NRG1: variants seen among roughly 807,000 people sequenced by gnomAD.
NRG1 encodes pro-neuregulin-1, membrane-bound isoform.
Under a neutral mutation model 63.8 loss-of-function variants are expected in NRG1, and 18 were observed. That is an observed-to-expected ratio of 0.28 (90% CI 0.19 to 0.42). The LOEUF (loss-of-function observed/expected upper bound fraction) is 0.42, where lower values mean the gene tolerates loss of function less well. Among genes scored for constraint, NRG1 ranks in the 10% least tolerant of loss-of-function variants. The probability of loss-of-function intolerance (pLI) is 1.00; values close to 1 mark genes in which losing one functional copy is unlikely to be tolerated. For missense variants in NRG1, 762 were observed against 814.7 expected, an observed-to-expected ratio of 0.94 and a Z score of 0.79; for synonymous variants, 302 against 301.3, an observed-to-expected ratio of 1.00 and a Z score of -0.02.
chr8:32,609,491 A>G (rs983373797), intron 3 of NRG1, among the ~76,000 whole-genome samples: 8 of 151,724 alleles, frequency 5.3e-5, no homozygotes, highest in Admixed American at 5.3e-4. Flanking sequence ...CTTCCTAAAT[A>G]GATATTTACC....
intron 1 of NRG1, among the ~76,000 whole-genome samples, chr8:31,964,094 C>A (rs922011227): frequency 2.6e-5 from 4 of 152,132 alleles, no homozygotes; most frequent in Admixed American, 6.5e-5. Context: ...TCATGGATAG[C>A]AGGATAACTT....
chr8:32,149,809 A>T (rs1230860413), intron 1 of NRG1, among the ~76,000 whole-genome samples: 2 of 152,300 alleles, frequency 1.3e-5, no homozygotes, highest in Middle Eastern at 3.4e-3. Context: ...CCTTCCCTAG[A>T]TGTCAGTGTC....
intron 1 of NRG1, chr8:32,256,401 G>C (rs1563238873): frequency 6.6e-6 from 1 of 152,180 alleles, no homozygotes; most frequent in Non-Finnish European, 1.5e-5. Context: ...TGATATTGAT[G>C]CTATTCCTTT....
chr8:31,887,465 G>C (rs1489475117), intron 1 of NRG1, among the ~76,000 whole-genome samples: 3 of 151,980 alleles, frequency 2.0e-5, no homozygotes, highest in East Asian at 3.9e-4. Flanking sequence ...TCTTAGAGTG[G>C]AAATTATTGA....
intron 1 of NRG1, among the ~76,000 whole-genome samples, chr8:32,269,362 A>G (rs2129472280): frequency 6.6e-6 from 1 of 152,334 alleles, no homozygotes; most frequent in East Asian, 1.9e-4. Context: ...TCAAGGCTCC[A>G]TATACTATTT....
intron 1 of NRG1, among the ~76,000 whole-genome samples, chr8:32,594,486 A>G (rs1030003733): frequency 4.6e-5 from 7 of 152,216 alleles, no homozygotes; most frequent in Non-Finnish European, 7.3e-5. Context: ...TATGATAAAC[A>G]GAATTAGACA....
At chr8:32,750,355 G>A (rs1231409972) in intron 7 of NRG1, among the ~76,000 whole-genome samples, 2 of 152,092 alleles carry the variant, frequency 1.3e-5, no homozygotes, top group African/African-American at 2.4e-5. Context: ...ACACTTTTTT[G>A]TAAGGCCTTC....
intron 1 of NRG1, among the ~76,000 whole-genome samples, chr8:31,700,788 G>A (rs1161234046): frequency 1.6e-4 from 25 of 152,114 alleles, no homozygotes. Context: ...TCTACTCATG[G>A]ATCTGTCAGG....
intron 5 of NRG1, among the ~76,000 whole-genome samples, chr8:32,677,177 G>A (rs1206805111): frequency 6.6e-6 from 1 of 151,854 alleles, no homozygotes; most frequent in Non-Finnish European, 1.5e-5. Context: ...TCTTCAAACA[G>A]GTGAATAATT....
At chr8:31,836,881 C>A (rs1825735551) in intron 1 of NRG1, among the ~76,000 whole-genome samples, 1 of 152,036 alleles carries the variant, frequency 6.6e-6, no homozygotes, top group Admixed American at 6.6e-5. Context: ...AGAGTCACAG[C>A]ATTTTATATT....
chr8:31,999,993 A>T (rs1812660661), intron 1 of NRG1, among the ~76,000 whole-genome samples: 1 of 152,056 alleles, frequency 6.6e-6, no homozygotes, highest in Admixed American at 6.6e-5. Context: ...GGTGGCAAAT[A>T]GAATTGTATG....
chr8:31,740,458 A>T (rs1020181099), intron 1 of NRG1, among the ~76,000 whole-genome samples: 6 of 152,068 alleles, frequency 3.9e-5, no homozygotes, highest in Admixed American at 3.9e-4. Context: ...CAGAGCTAAA[A>T]ATAGAGTTCA....
intron 1 of NRG1, among the ~76,000 whole-genome samples, chr8:31,919,491 T>G (rs777421491): frequency 9.9e-5 from 15 of 151,984 alleles, no homozygotes; most frequent in Non-Finnish European, 2.2e-4. Flanking sequence ...GTGCAGAGGT[T>G]TAGGTATTTT....
chr8:32,563,209 C>T, intron 1 of NRG1, among the ~76,000 whole-genome samples: 1 of 152,132 alleles, frequency 6.6e-6, no homozygotes, highest in East Asian at 1.9e-4. Flanking sequence ...TCCAATGTGG[C>T]CCAGGGAAGC....
intron 7 of NRG1, among the ~76,000 whole-genome samples, chr8:32,746,883 T>C (rs2129044814): frequency 6.7e-6 from 1 of 148,930 alleles, no homozygotes; most frequent in East Asian, 1.9e-4. Context: ...TTTTTTTTTT[T>C]TGACTTACAA....
chr8:31,857,820 G>A (rs1828068776), intron 1 of NRG1, among the ~76,000 whole-genome samples: 1 of 152,176 alleles, frequency 6.6e-6, no homozygotes, highest in African/African-American at 2.4e-5. Flanking sequence ...GGGTCATAAA[G>A]CAATGGAGGC....
intron 1 of NRG1, among the ~76,000 whole-genome samples, chr8:32,512,204 A>T (rs1006423649): frequency 1.3e-5 from 2 of 152,198 alleles, no homozygotes; most frequent in Admixed American, 1.3e-4. Flanking sequence ...TTCTGCTTAG[A>T]TACTAATACA....
At chr8:31,838,694 C>G (rs1825908704) in intron 1 of NRG1, among the ~76,000 whole-genome samples, 1 of 152,034 alleles carries the variant, frequency 6.6e-6, no homozygotes, top group Non-Finnish European at 1.5e-5. Flanking sequence ...TTTATGTCTT[C>G]AAAATGGGCC....
At chr8:32,163,250 T>C (rs1218543896) in intron 1 of NRG1, among the ~76,000 whole-genome samples, 6 of 152,168 alleles carry the variant, frequency 3.9e-5, no homozygotes. Context: ...GCATACACCC[T>C]TCCTCAAGCC....
Sources: gnomAD v4.1 joint callset for allele counts (sites outside exome capture counted in the v4.1 genomes callset) on GRCh38, gnomAD v4.1.1 for gene constraint, MANE v1.5 for transcripts, NCBI Gene and HGNC (gene_info 2026-07-23, HGNC 2026-07-21) for gene names.